Variants in FMNL2 observed in about 807,000 individuals in gnomAD.
FMNL2 encodes the protein formin-like protein 2.
In FMNL2, 51 loss-of-function variants were observed where a neutral mutation model predicts 130.2. That is an observed-to-expected ratio of 0.39 (90% CI 0.31 to 0.49). The LOEUF (loss-of-function observed/expected upper bound fraction) is 0.49, where lower values mean the gene tolerates loss of function less well. FMNL2 is among the 20% of genes least tolerant of loss of function. The pLI, the probability that FMNL2 is intolerant of heterozygous loss-of-function variation, is 0.85. For synonymous variants in FMNL2, 465 were observed against 467.1 expected, an observed-to-expected ratio of 1.00 and a Z score of 0.06; for missense variants, 977 against 1,316.2, an observed-to-expected ratio of 0.74 and a Z score of 3.99.
intron 3 of FMNL2, among the ~76,000 whole-genome samples, chr2:152,548,007 A>G (rs1310265309): frequency 6.6e-6 from 1 of 152,176 alleles, no homozygotes; most frequent in Non-Finnish European, 1.5e-5. Flanking sequence ...TAGGGTCAAG[A>G]GGCTAGAGAG....
chr2:152,572,667 C>G (rs1412657581), intron 6 of FMNL2, among the ~76,000 whole-genome samples: 1 of 152,106 alleles, frequency 6.6e-6, no homozygotes, highest in Non-Finnish European at 1.5e-5. Flanking sequence ...CTCTTGAGCC[C>G]AGGAATCTGA....
chr2:152,372,225 T>A (rs985470198), intron 1 of FMNL2, among the ~76,000 whole-genome samples: 16 of 152,210 alleles, frequency 1.1e-4, no homozygotes, highest in African/African-American at 3.9e-4. Flanking sequence ...GCCTGTTACC[T>A]TTGTTGAGCA....
rs747397886 is a variant in FMNL2, at chr2:152,625,511, T to C, written c.1911T>C (p.Asn637=). The change falls in exon 16 of 26, where the codon AAT becomes AAC. Residue 637 remains asparagine, a synonymous_variant. Transcript: ENST00000288670. Reference sequence around the variant, plus strand: ...TTAACTGGGTTGCTCTGAAGCCCAATCAGATCAATGGCACAGTCTTCAATG... The same window carrying C: ...TTAACTGGGTTGCTCTGAAGCCCAACCAGATCAATGGCACAGTCTTCAATG... The part of the protein sequence containing the change: ...PVFNWVALKP[N]QINGTVFNEI... The C allele has an allele frequency of 8.1e-6, 13 of 1,611,864 alleles. No homozygotes were observed. In the Admixed American group the frequency reaches 1.2e-4, roughly 14 times the overall value.
At chr2:152,609,524 AAAC>A (rs1367064596) in intron 10 of FMNL2, among the ~76,000 whole-genome samples, 3 of 152,216 alleles carry the variant, frequency 2.0e-5, no homozygotes, top group African/African-American at 4.8e-5. Flanking sequence ...GGACAAAAGA[AAAC>A]AAAAACCATT....
At chr2:152,396,187 C>A (rs1222428703) in intron 1 of FMNL2, among the ~76,000 whole-genome samples, 2 of 152,176 alleles carry the variant, frequency 1.3e-5, no homozygotes, top group East Asian at 3.8e-4. Context: ...TTTGAACAGT[C>A]ATTGCTAAGT....
At chr2:152,609,963 C>T (rs1178664058) in intron 10 of FMNL2, among the ~76,000 whole-genome samples, 2 of 152,172 alleles carry the variant, frequency 1.3e-5, no homozygotes, top group Admixed American at 6.5e-5. Flanking sequence ...CAAAATAGAT[C>T]TGTTGAATGC....
chr2:152,413,155 AGACACTAG>A (rs1266211424), intron 1 of FMNL2, among the ~76,000 whole-genome samples: 1 of 152,242 alleles, frequency 6.6e-6, no homozygotes, highest in Non-Finnish European at 1.5e-5. Context: ...AGGTGGCAAC[AGACACTAG>A]GACACTAGGA....
rs141760616 is a variant in FMNL2 at position 152,644,723 on chromosome 2, A to T, written c.3170-3073A>T. Among the ~76,000 whole-genome samples, 70 of 152,272 alleles carry T rather than the reference A, an allele frequency of 4.6e-4. No individual in the cohort carries two copies. In the East Asian group the frequency reaches 9.6e-3, roughly 21 times the overall value. On this transcript the variant is annotated intron_variant, in intron 25 of 25. Transcript: ENST00000288670. ...CTCTGTTCCATGTCAAACCCAGGCT[A>T]TTTCTTCTGTGATCAGATCATATCT... is the stretch of plus-strand genomic sequence containing the variant.
chr2:152,497,059 C>T (rs567730434), intron 1 of FMNL2, among the ~76,000 whole-genome samples: 1 of 152,218 alleles, frequency 6.6e-6, no homozygotes, highest in African/African-American at 2.4e-5. Context: ...CCGTTCTCAA[C>T]AGATAGAGCT....
chr2:152,647,909 T>TGA lies in FMNL2; in HGVS notation c.*7_*8dup. 6.2e-7 allele frequency: 1 copy of TGA among 1,609,774 alleles called. No individual in the cohort carries two copies. The highest frequency in any genetic ancestry group is 8.5e-7 in the Non-Finnish European group (1 of 1,177,586). ...TGGTGCCGAAATAACAATGTGAACCTGAGACTGGCCTGCATGAATACAGGG... is the reference window on the plus strand; with the variant it reads ...TGGTGCCGAAATAACAATGTGAACCTGAGAGACTGGCCTGCATGAATACAGGG... On this transcript the variant is annotated 3_prime_UTR_variant, in exon 26 of 26. Transcript: ENST00000288670.
chr2:152,611,959 G>T (rs978742690), intron 11 of FMNL2, among the ~76,000 whole-genome samples: 1 of 152,138 alleles, frequency 6.6e-6, no homozygotes, highest in African/African-American at 2.4e-5. Context: ...TTACTCCGGG[G>T]ACCCCATCTG....
chr2:152,622,225 G>T, intron 15 of FMNL2, among the ~76,000 whole-genome samples: 1 of 152,154 alleles, frequency 6.6e-6, no homozygotes, highest in Non-Finnish European at 1.5e-5. Context: ...TTGGACTTTG[G>T]TTGATTGTTT....
chr2:152,593,902 T>TGAGAGAGA (rs143746034), intron 9 of FMNL2, among the ~76,000 whole-genome samples: 2 of 81,568 alleles, frequency 2.5e-5, no homozygotes, highest in South Asian at 4.6e-4. Flanking sequence ...TGTGTGTGTG[T>TGAGAGAGA]GAGAGAGAGA....
intron 15 of FMNL2, among the ~76,000 whole-genome samples, chr2:152,624,113 C>T (rs1207920513): frequency 8.8e-6 from 1 of 113,444 alleles, no homozygotes; most frequent in Non-Finnish European, 1.8e-5. Context: ...CCCTTCCCTT[C>T]CCTTCCTTCC....
intron 1 of FMNL2, among the ~76,000 whole-genome samples, chr2:152,348,741 G>T (rs1252869419): frequency 1.3e-5 from 2 of 151,846 alleles, no homozygotes; most frequent in Middle Eastern, 3.2e-3. Context: ...GTTTAAATGG[G>T]CAGCGTTCTT....
At chr2:152,615,452 A>C (rs1698898234) in intron 12 of FMNL2, among the ~76,000 whole-genome samples, 1 of 152,214 alleles carries the variant, frequency 6.6e-6, no homozygotes, top group Admixed American at 6.5e-5. Flanking sequence ...TACGGTACTC[A>C]AATTCTTAAT....
intron 1 of FMNL2, among the ~76,000 whole-genome samples, chr2:152,375,307 C>G (rs2105874783): frequency 6.6e-6 from 1 of 152,328 alleles, no homozygotes; most frequent in South Asian, 2.1e-4. Context: ...CCTTCTCTAC[C>G]AGCAGTAGCT....
chr2:152,619,549 G>GCCCCCCCCCC lies in FMNL2; in HGVS notation c.1670_1671insCCCCCCCCCC (p.Pro561AlafsTer23). On this transcript the variant is annotated frameshift_variant, in exon 15 of 26. Coordinates refer to ENST00000288670, the MANE Select transcript of FMNL2 (RefSeq NM_052905.4). LOFTEE classifies it high-confidence loss of function. ...TAACACCACCTATGCCACCGCCGCC[G>GCCCCCCCCCC]CCGCCCCCTCCTCCACCTCCTCCTC... 3 of 1,395,012 alleles carry GCCCCCCCCCC rather than the reference G, an allele frequency of 2.2e-6. No individual in the cohort carries two copies. The highest frequency in any genetic ancestry group is 1.9e-6 in the Non-Finnish European group (2 of 1,075,858). 86.4% of individuals were successfully genotyped at this position (1,395,012 alleles called of 1,614,324 possible).
rs983756947 is a variant in FMNL2 at position 152,633,646 on chromosome 2, T to C, written c.2680+1509T>C. On this transcript the variant is annotated intron_variant, in intron 21 of 25. Transcript: ENST00000288670. ...ACCTAGAGCAAGTTCGGGGCTCACT[T>C]AGACAGTAGGCAGAATTTCTGTTCT... 1.1e-4 allele frequency among the ~76,000 whole-genome samples: 17 copies of C among 152,314 alleles called. No individual in the cohort carries two copies. The East Asian group carries it at 1.5e-3, about 14-fold the overall frequency.
Sources: allele counts gnomAD v4.1 joint callset (sites outside exome capture counted in the v4.1 genomes callset), GRCh38; gene constraint gnomAD v4.1.1; transcripts MANE v1.5; gene names NCBI Gene and HGNC (gene_info 2026-07-23, HGNC 2026-07-21).